Variants in CDK5RAP2 observed in about 807,000 individuals in gnomAD.
The protein encoded by CDK5RAP2 is CDK5 regulatory subunit-associated protein 2.
Under a neutral mutation model 232.9 loss-of-function variants are expected in CDK5RAP2, and 147 were observed. The ratio of observed to expected loss-of-function variants is 0.63; its 90% CI spans 0.55 to 0.72. CDK5RAP2 has a LOEUF of 0.72. CDK5RAP2 is among the 30% of genes least tolerant of loss of function. The pLI is 0.00. For synonymous variants in CDK5RAP2, 833 were observed against 833.7 expected, an observed-to-expected ratio of 1.00 and a Z score of 0.01; for missense variants, 2,195 against 2,231.5, an observed-to-expected ratio of 0.98 and a Z score of 0.33.
chr9:120,550,722 A>T, intron 4 of CDK5RAP2, 70 bp downstream of exon 4: 1 of 896,452 alleles, frequency 1.1e-6, no homozygotes, highest in East Asian at 2.4e-5. Flanking sequence ...AACAAATATT[A>T]ATCAAATTTC....
chr9:120,511,339 CAG>C (rs1287888083), intron 12 of CDK5RAP2, among the ~76,000 whole-genome samples: 1 of 152,172 alleles, frequency 6.6e-6, no homozygotes, highest in Non-Finnish European at 1.5e-5. Context: ...ATCTGTAAAA[CAG>C]GGCTGCAGCA....
chr9:120,423,856 A>C (rs1354953218), intron 25 of CDK5RAP2, among the ~76,000 whole-genome samples: 1 of 152,232 alleles, frequency 6.6e-6, no homozygotes, highest in Non-Finnish European at 1.5e-5. Context: ...ATTTGCTTTA[A>C]GTCTAGAAGT....
At chr9:120,456,384 C>T (rs997348178) in intron 20 of CDK5RAP2, among the ~76,000 whole-genome samples, 4 of 152,218 alleles carry the variant, frequency 2.6e-5, no homozygotes, top group Non-Finnish European at 5.9e-5. Context: ...TCCCTCCCTC[C>T]GATCTTTGCT....
At chr9:120,457,552 T>C (rs978002205) in intron 20 of CDK5RAP2, among the ~76,000 whole-genome samples, 2 of 152,140 alleles carry the variant, frequency 1.3e-5, no homozygotes, top group African/African-American at 2.4e-5. Flanking sequence ...ATGTCAGGGA[T>C]TGGGGAGGAG....
chr9:120,422,864 C>T, intron 25 of CDK5RAP2, 123 bp from the exon 26 acceptor site: 1 of 736,488 alleles, frequency 1.4e-6, no homozygotes, highest in Non-Finnish European at 2.4e-6. Context: ...CTGTAACAAT[C>T]CTGGATATTT....
At chr9:120,509,941 C>G (rs147216082) in intron 12 of CDK5RAP2, among the ~76,000 whole-genome samples, 6 of 151,738 alleles carry the variant, frequency 4.0e-5, no homozygotes, top group Non-Finnish European at 5.9e-5. Context: ...AAAACTTTCA[C>G]ACCTAATACA....
Position 120,487,367 on chromosome 9 carries a change from A to G in CDK5RAP2, c.1553T>C (p.Leu518Pro). 6.2e-7 allele frequency: 1 copy of G among 1,613,974 alleles called. No individual in the cohort carries two copies. Among genetic ancestry groups the G allele is most frequent in the Non-Finnish European group, 8.5e-7 (1 of 1,179,940 alleles). The change falls in exon 14 of 38, where the codon CTC becomes CCC. Residue 518 changes from leucine to proline, a missense_variant. By Grantham distance (98) the Leu-to-Pro change is moderately conservative (BLOSUM62 -3). Transcript: ENST00000349780. The stretch of plus-strand genomic sequence containing the variant: ...TTCTGTTATTAAGCCTTCACTCCTG[A>G]GCTCAAGATCCTCTGCAGCCATTAA... ...CYLMAAEDLE[L>P]RSEGLITEKC...
chr9:120,515,351 T>C (rs1422773218), intron 12 of CDK5RAP2, among the ~76,000 whole-genome samples: 1 of 152,228 alleles, frequency 6.6e-6, no homozygotes, highest in African/African-American at 2.4e-5. Flanking sequence ...AAGATTTCCC[T>C]GACTACCACA....
chr9:120,400,960 A>T (rs1588233443), intron 34 of CDK5RAP2, 75 bp from the exon 35 acceptor site: 7 of 1,535,908 alleles, frequency 4.6e-6, no homozygotes, highest in Non-Finnish European at 4.5e-6. Flanking sequence ...AACATGCAGT[A>T]TAAATCTCCA....
intron 20 of CDK5RAP2, 89 bp downstream of exon 20, chr9:120,458,361 C>G: frequency 7.8e-7 from 1 of 1,277,178 alleles, no homozygotes; most frequent in Non-Finnish European, 1.1e-6. Context: ...GTAAATTACA[C>G]AGCACGATCA....
At chr9:120,521,650 T>TC (rs2040663979) in intron 11 of CDK5RAP2, among the ~76,000 whole-genome samples, 1 of 145,036 alleles carries the variant, frequency 6.9e-6, no homozygotes, top group African/African-American at 2.6e-5. Context: ...TTTTCTTTTT[T>TC]TTTTTTTTTT....
intron 23 of CDK5RAP2, 74 bp downstream of exon 23, chr9:120,443,546 A>G (rs2036016221): frequency 6.5e-7 from 1 of 1,532,202 alleles, no homozygotes; most frequent in African/African-American, 1.4e-5. Flanking sequence ...CTTAGTAATA[A>G]TTTTTAGATA....
chr9:120,424,700 T>C (rs1325965089), intron 25 of CDK5RAP2, among the ~76,000 whole-genome samples: 1 of 145,368 alleles, frequency 6.9e-6, no homozygotes, highest in Non-Finnish European at 1.5e-5. Flanking sequence ...TTCTCACAGC[T>C]CTTTTTTTTT....
intron 10 of CDK5RAP2, among the ~76,000 whole-genome samples, chr9:120,526,412 G>A (rs1489329438): frequency 6.6e-6 from 1 of 152,168 alleles, no homozygotes; most frequent in African/African-American, 2.4e-5. Flanking sequence ...CAGACACCTA[G>A]AAGTCTTCCT....
At chr9:120,526,020 G>GC (rs767423005) in intron 10 of CDK5RAP2, among the ~76,000 whole-genome samples, 28 of 152,180 alleles carry the variant, frequency 1.8e-4, no homozygotes, top group Non-Finnish European at 3.4e-4. Context: ...TCCTACTTCT[G>GC]CAACTATTCC....
Position 120,550,194 on chromosome 9 carries a change from G to A in CDK5RAP2, c.306+598C>T, listed in dbSNP as rs369483031. On this transcript the variant is annotated intron_variant, in intron 4 of 37. Coordinates refer to ENST00000349780, the MANE Select transcript of CDK5RAP2 (RefSeq NM_018249.6). Reference sequence around the variant, plus strand: ...CCTGCAGGTCAAGACTTCAAATGAGGATAGGCTTTTCTTCTGACAGTTACA... The same window carrying A: ...CCTGCAGGTCAAGACTTCAAATGAGAATAGGCTTTTCTTCTGACAGTTACA... Among the ~76,000 whole-genome samples, 9 of 152,324 alleles carry A rather than the reference G, an allele frequency of 5.9e-5. No homozygotes were observed. In the East Asian group the frequency reaches 1.7e-3, roughly 29 times the overall value.
intron 12 of CDK5RAP2, among the ~76,000 whole-genome samples, chr9:120,504,978 A>C (rs1303751154): frequency 1.3e-5 from 2 of 152,178 alleles, no homozygotes; most frequent in African/African-American, 2.4e-5. Context: ...TTTCTTCTAT[A>C]AACTCTATGA....
intron 25 of CDK5RAP2, among the ~76,000 whole-genome samples, chr9:120,432,893 C>T (rs762910809): frequency 6.6e-6 from 1 of 152,166 alleles, no homozygotes; most frequent in Non-Finnish European, 1.5e-5. Flanking sequence ...CTGGAAGATA[C>T]GGCTTTATCA....
intron 2 of CDK5RAP2, among the ~76,000 whole-genome samples, chr9:120,570,142 T>C (rs1315039099): frequency 6.6e-6 from 1 of 152,022 alleles, no homozygotes; most frequent in African/African-American, 2.4e-5. Context: ...GGAGTGGGCA[T>C]GGTGTTCGGA....
Sources: gnomAD v4.1 joint callset for allele counts (sites outside exome capture counted in the v4.1 genomes callset) on GRCh38, gnomAD v4.1.1 for gene constraint, MANE v1.5 for transcripts, NCBI Gene and HGNC (gene_info 2026-07-23, HGNC 2026-07-21) for gene names.